The following GSPT1 variants were observed in gnomAD, a reference collection of about 807,000 sequenced individuals.
The protein encoded by GSPT1 is eukaryotic peptide chain release factor GTP-binding subunit ERF3A.
Under a neutral mutation model 72.5 loss-of-function variants are expected in GSPT1, and 20 were observed. The ratio of observed to expected loss-of-function variants is 0.28; its 90% CI spans 0.19 to 0.40. GSPT1 has a LOEUF of 0.40. Ranked by LOEUF, GSPT1 falls within the 10% of genes least tolerant of loss-of-function variation. The pLI, the probability that GSPT1 is intolerant of heterozygous loss-of-function variation, is 1.00. For synonymous variants in GSPT1, 334 were observed against 293.5 expected (o/e 1.14, Z -1.41); for missense variants, 580 against 811.9 (o/e 0.71, Z 3.47).
At chr16:11,874,070 G>C (rs1042874986) in intron 14 of GSPT1, among the ~76,000 whole-genome samples, 1 of 152,146 alleles carries the variant, frequency 6.6e-6, no homozygotes, top group Admixed American at 6.6e-5. Context: ...TCTATTTATG[G>C]AGTGTCTATA....
At chr16:11,906,477 T>A (rs1016252120) in intron 1 of GSPT1, among the ~76,000 whole-genome samples, 3 of 151,516 alleles carry the variant, frequency 2.0e-5, no homozygotes, top group Admixed American at 6.6e-5. Context: ...CAAAAAAAAA[T>A]GTAAAAATGA....
rs2054628045 is a variant in GSPT1, at chr16:11,915,734, G to C, written c.-14C>G. The C allele has an allele frequency of 6.6e-7, 1 of 1,526,090 alleles. No individual in the cohort carries two copies. Among genetic ancestry groups the C allele is most frequent in the Non-Finnish European group, 8.7e-7 (1 of 1,143,258 alleles). 94.5% of individuals were successfully genotyped at this position (1,526,090 alleles called of 1,614,324 possible). On this transcript the variant is annotated 5_prime_UTR_variant, in exon 1 of 15. Coordinates refer to ENST00000434724, the MANE Select transcript of GSPT1 (RefSeq NM_002094.4). ...GCCCGGATCCATGATCGGGGGGGCCGTGTGTGTGGTGGACAGAGAGCGGGA... is the reference window on the plus strand; with the variant it reads ...GCCCGGATCCATGATCGGGGGGGCCCTGTGTGTGGTGGACAGAGAGCGGGA...
At chr16:11,889,301 C>T (rs1465545525) in intron 6 of GSPT1, among the ~76,000 whole-genome samples, 3 of 139,700 alleles carry the variant, frequency 2.1e-5, no homozygotes, top group South Asian at 2.5e-4. Context: ...GAGCCTAGGT[C>T]GTGCCCGGCA....
At chr16:11,884,552 G>C (rs2054162741) in intron 10 of GSPT1, among the ~76,000 whole-genome samples, 1 of 152,188 alleles carries the variant, frequency 6.6e-6, no homozygotes, top group African/African-American at 2.4e-5. Flanking sequence ...CTGAGGTTAG[G>C]AGTTCGAGAC....
At chr16:11,881,662 T>TTTC (rs1417877175) in intron 11 of GSPT1, 1 of 142,822 alleles carries the variant, frequency 7.0e-6, no homozygotes, top group Non-Finnish European at 1.5e-5. Flanking sequence ...TAGCTTTTTT[T>TTTC]TTTTTTTTTT....
intron 1 of GSPT1, among the ~76,000 whole-genome samples, chr16:11,910,072 G>C (rs1379057420): frequency 2.0e-5 from 3 of 152,112 alleles, no homozygotes; most frequent in Non-Finnish European, 4.4e-5. Context: ...ACTCCAGCTT[G>C]GGTGACAAAG....
At chr16:11,898,529 G>A (rs1229187527) in intron 1 of GSPT1, among the ~76,000 whole-genome samples, 1 of 139,398 alleles carries the variant, frequency 7.2e-6, no homozygotes, top group African/African-American at 2.7e-5. Flanking sequence ...TTGGCTTACC[G>A]CAACCTCCAT....
At chr16:11,901,307 GAGGTTGAACTGTTCATGGCT>G (rs2054403128) in intron 1 of GSPT1, among the ~76,000 whole-genome samples, 1 of 152,190 alleles carries the variant, frequency 6.6e-6, no homozygotes, top group East Asian at 1.9e-4. Context: ...AGAATTTTCC[GAGGTTGAACTGTTCATGGCT>G]AGGAAATAGA....
chr16:11,912,359 A>C (rs914305198), intron 1 of GSPT1, among the ~76,000 whole-genome samples: 4 of 151,974 alleles, frequency 2.6e-5, no homozygotes, highest in Admixed American at 6.6e-5. Flanking sequence ...AAAAAAAAAA[A>C]AAACAAAAAA....
chr16:11,885,230 T>C lies in GSPT1; in HGVS notation c.1298A>G (p.Asn433Ser), dbSNP rs200641745. The C allele has an allele frequency of 2.3e-4, 361 of 1,599,698 alleles. 1 individual carries two copies. The East Asian group carries it at 2.4e-3, about 11-fold the overall frequency. The change falls in exon 10 of 15, where the codon AAT (asparagine) becomes AGT (serine). Residue 433 changes from asparagine (N) to serine (S), a missense_variant. This residue lies in a region of GSPT1 where 45 missense variants were observed against 43.0 expected (regional missense o/e 1.05). Coordinates refer to ENST00000434724, the MANE Select transcript of GSPT1 (RefSeq NM_002094.4). ...IPYLDNLPNF[N>S]RSVDGPIRLP... ...CCTGATTGGTCCATCAACTGATCTATTGAAGTTCGGCAAATTATCCAGATA... is the reference window on the plus strand; with the variant it reads ...CCTGATTGGTCCATCAACTGATCTACTGAAGTTCGGCAAATTATCCAGATA...
Position 11,887,741 on chromosome 16 carries a change from A to C in GSPT1, c.786T>G (p.Ser262=), listed in dbSNP as rs752910583. 2 of 1,596,888 alleles carry C rather than the reference A, an allele frequency of 1.3e-6. No homozygotes were observed. The highest frequency in any genetic ancestry group is 1.7e-6 in the Non-Finnish European group (2 of 1,171,552). Residue 262 remains serine (S), a synonymous_variant, in exon 7 of 15, where the codon TCT becomes TCG. Transcript: ENST00000434724. ...KEKNRETWYL[S]WALDTNQEER... ...CTTCCTGATTTGTGTCTAAGGCCCA[A>C]GACAAGTACCTGAAATAATTTTTAA...
intron 14 of GSPT1, among the ~76,000 whole-genome samples, chr16:11,873,695 C>G (rs1374501679): frequency 2.0e-5 from 3 of 152,274 alleles, no homozygotes; most frequent in East Asian, 3.9e-4. Context: ...TCAAGTGATT[C>G]TCCTGCCTCA....
rs190246817 is a variant in GSPT1 at position 11,910,237 on chromosome 16, T to C, written c.352+5132A>G. ...GAACAGTGAGCAGATAATAGATAAA[T>C]CTTTAGTTTTATGAGAGTGACAAGA... On this transcript the variant is annotated intron_variant, in intron 1 of 14. Coordinates refer to ENST00000434724, the MANE Select transcript of GSPT1 (RefSeq NM_002094.4). Among the ~76,000 whole-genome samples, 72 of 152,154 alleles carry C rather than the reference T, an allele frequency of 4.7e-4. 1 individual carries two copies. The East Asian group carries it at 8.3e-3, about 18-fold the overall frequency.
chr16:11,904,942 G>A lies in GSPT1; in HGVS notation c.353-6907C>T, dbSNP rs372112617. 2.2e-4 allele frequency among the ~76,000 whole-genome samples: 33 copies of A among 152,242 alleles called. 1 individual carries two copies. The East Asian group carries it at 3.7e-3, about 17-fold the overall frequency. Reference sequence around the variant, plus strand: ...CTTACAAAAAATTTAAAAATCAGCCGGGTATAGTGGCACAGGCCTGTAGTC... The same window carrying A: ...CTTACAAAAAATTTAAAAATCAGCCAGGTATAGTGGCACAGGCCTGTAGTC... On this transcript the variant is annotated intron_variant, in intron 1 of 14. Transcript: ENST00000434724.
Position 11,870,355 on chromosome 16 carries a change from TATTA to T in GSPT1, c.*2760_*2763del, listed in dbSNP as rs764804757. 4.6e-5 allele frequency: 7 copies of T among 152,226 alleles called. No individual in the cohort carries two copies. The highest frequency in any genetic ancestry group is 2.1e-4 in the South Asian group (1 of 4,834). 9.4% of individuals were successfully genotyped at this position (152,226 alleles called of 1,614,324 possible). ...ATTTCAATATTTCTTAAATTCACTTTATTAATTTAAAAAACTAAATAATCGCATG... is the reference window on the plus strand; with the variant it reads ...ATTTCAATATTTCTTAAATTCACTTTATTTAAAAAACTAAATAATCGCATG... On this transcript the variant is annotated 3_prime_UTR_variant, in exon 15 of 15. Transcript: ENST00000434724.
intron 1 of GSPT1, chr16:11,904,048 G>A (rs2054452786): frequency 4.4e-6 from 1 of 225,896 alleles, no homozygotes; most frequent in African/African-American, 2.3e-5. Context: ...GCAACCCCCA[G>A]GGACACCATG....
At chr16:11,914,904 G>T in intron 1 of GSPT1, 1 of 762,736 alleles carries the variant, frequency 1.3e-6, no homozygotes. Flanking sequence ...AAACGCAGCA[G>T]AAGACGCTCT....
intron 7 of GSPT1, 89 bp from the exon 8 acceptor site, chr16:11,887,020 A>AG: frequency 3.4e-6 from 2 of 581,284 alleles, no homozygotes; most frequent in Admixed American, 4.3e-5. Flanking sequence ...TTATATCACG[A>AG]GTTTTTTTTT....
intron 1 of GSPT1, among the ~76,000 whole-genome samples, chr16:11,903,446 C>T (rs1406533767): frequency 2.0e-5 from 3 of 152,104 alleles, no homozygotes; most frequent in East Asian, 1.9e-4. Context: ...ACCTGCGAGG[C>T]GGAGGTTGCA....
Sources: gnomAD v4.1 joint callset for allele counts (sites outside exome capture counted in the v4.1 genomes callset) on GRCh38, gnomAD v4.1.1 for gene constraint, gnomAD v4.1.1 regional missense constraint, MANE v1.5 for transcripts, NCBI Gene and HGNC (gene_info 2026-07-23, HGNC 2026-07-21) for gene names.